Variants in ELOVL6 observed in about 807,000 individuals in gnomAD.
ELOVL6 encodes the protein ELOVL fatty acid elongase 6.
In ELOVL6, 8 loss-of-function variants were observed where a neutral mutation model predicts 31.7. That is an observed-to-expected ratio of 0.25 (90% CI 0.15 to 0.45). The LOEUF (loss-of-function observed/expected upper bound fraction) is 0.45, where lower values mean the gene tolerates loss of function less well. Among genes scored for constraint, ELOVL6 ranks in the 20% least tolerant of loss-of-function variants. The pLI is 1.00. For missense variants in ELOVL6, 126 were observed against 326.4 expected, an observed-to-expected ratio of 0.39 and a Z score of 4.73; for synonymous variants, 101 against 117.7, an observed-to-expected ratio of 0.86 and a Z score of 0.92.
intron 1 of ELOVL6, among the ~76,000 whole-genome samples, chr4:110,148,443 G>A (rs988049594): frequency 6.7e-6 from 1 of 150,218 alleles, no homozygotes; most frequent in Non-Finnish European, 1.5e-5. Flanking sequence ...TGAACTCATG[G>A]AGATAGAGAG....
chr4:110,084,396 T>C (rs536293237), intron 2 of ELOVL6, among the ~76,000 whole-genome samples: 1 of 64,786 alleles, frequency 1.5e-5, no homozygotes, highest in African/African-American at 4.4e-5. Context: ...GCATATATGA[T>C]ATATGATATA....
In ELOVL6 at chr4:110,094,433, ATATATATAT is replaced by A. The variant is rs1560820657; in HGVS notation, c.221+11055_221+11063del. ...TATATATATATATATATATATATATATATATATATAATATATATAACATAATATATATTA... is the reference window on the plus strand; with the variant it reads ...TATATATATATATATATATATATATAAATATATATAACATAATATATATTA... On this transcript the variant is annotated intron_variant, in intron 2 of 3. Transcript: ENST00000302274. Among the ~76,000 whole-genome samples the A allele has an allele frequency of 3.8e-4, 23 of 59,768 alleles. 1 individual carries two copies. In the East Asian group the frequency reaches 8.1e-3, roughly 21 times the overall value. The allele number at this position is 59,768 out of a possible 152,430, so 39.2% of individuals were successfully genotyped here. A position where few individuals can be genotyped will look rare whatever the true frequency, so the allele number is the denominator to read the frequency against.
chr4:110,095,382 T>G (rs570054901), intron 2 of ELOVL6, among the ~76,000 whole-genome samples: 13 of 151,332 alleles, frequency 8.6e-5, no homozygotes, highest in Non-Finnish European at 1.3e-4. Flanking sequence ...TTTGGGAGGC[T>G]GAGGCATGAG....
At position 110,046,440 on chromosome 4, in the gene ELOVL6, C is replaced by A. The variant is rs1428854749; in HGVS notation, c.*4898G>T. On this transcript the variant is annotated 3_prime_UTR_variant, in exon 4 of 4. Transcript: ENST00000302274. The stretch of plus-strand genomic sequence containing the variant: ...CACTTTTGAGCTCTCCCAAGCCCCA[C>A]TCACGAATGTGCTCCCACTGTCCAT... The A allele has an allele frequency of 6.6e-6, 1 of 152,226 alleles. No homozygotes were observed. The highest frequency in any genetic ancestry group is 1.5e-5 in the Non-Finnish European group (1 of 68,036). The allele number at this position is 152,226 out of a possible 1,614,324, so 9.4% of individuals were successfully genotyped here. A position where few individuals can be genotyped will look rare whatever the true frequency, so the allele number is the denominator to read the frequency against.
chr4:110,084,598 T>A (rs1202971277), intron 2 of ELOVL6, among the ~76,000 whole-genome samples: 195 of 57,898 alleles, frequency 3.4e-3, no homozygotes, highest in Middle Eastern at 0.024. Context: ...ATTTTTTTTT[T>A]TTTTTTTTTT....
At chr4:110,112,048 G>A (rs570724601) in intron 1 of ELOVL6, among the ~76,000 whole-genome samples, 125 of 152,290 alleles carry the variant, frequency 8.2e-4, no homozygotes, top group Middle Eastern at 6.8e-3. Context: ...ACCCCATCAT[G>A]TCCCATGGGT....
At chr4:110,101,592 C>T (rs971482552) in intron 2 of ELOVL6, among the ~76,000 whole-genome samples, 3 of 152,186 alleles carry the variant, frequency 2.0e-5, no homozygotes, top group Non-Finnish European at 4.4e-5. Flanking sequence ...TAACACATCA[C>T]AAATTTTTTT....
intron 1 of ELOVL6, among the ~76,000 whole-genome samples, chr4:110,187,250 T>TCCTTTGA (rs1385069933): frequency 2.6e-5 from 4 of 151,504 alleles, no homozygotes; most frequent in African/African-American, 9.7e-5. Context: ...AATTAAGAGG[T>TCCTTTGA]CCTTTGACCT....
intron 2 of ELOVL6, 188 bp from the exon 3 acceptor site, chr4:110,059,942 T>G (rs750075025): frequency 2.4e-5 from 13 of 531,022 alleles, no homozygotes; most frequent in Non-Finnish European, 4.3e-5. Flanking sequence ...AAGGGCTTTA[T>G]TCTGAAACCA....
intron 2 of ELOVL6, among the ~76,000 whole-genome samples, chr4:110,079,994 A>G (rs943115509): frequency 6.6e-6 from 1 of 152,248 alleles, no homozygotes; most frequent in African/African-American, 2.4e-5. Context: ...AATCTAGAAG[A>G]AATGGATAAA....
chr4:110,087,816 A>C (rs56964693), intron 2 of ELOVL6, among the ~76,000 whole-genome samples: 17,858 of 150,110 alleles, frequency 0.12, 1,226 homozygotes, highest in South Asian at 0.2. Flanking sequence ...AAAAAAAAAA[A>C]AACCTCCTAT....
At chr4:110,088,935 G>A (rs965409578) in intron 2 of ELOVL6, among the ~76,000 whole-genome samples, 3 of 152,100 alleles carry the variant, frequency 2.0e-5, no homozygotes, top group South Asian at 2.1e-4. Context: ...AGTTACCACC[G>A]GTAACTGAAA....
intron 1 of ELOVL6, among the ~76,000 whole-genome samples, chr4:110,110,734 G>A (rs1016812844): frequency 6.6e-6 from 1 of 152,068 alleles, no homozygotes; most frequent in Non-Finnish European, 1.5e-5. Flanking sequence ...CATATGCCCA[G>A]AAATTCTGAC....
rs376479206 is a variant in ELOVL6, at chr4:110,133,831, C to T, written c.90-28203G>A. 9.2e-5 allele frequency among the ~76,000 whole-genome samples: 14 copies of T among 152,310 alleles called. No homozygotes were observed. In the South Asian group the frequency reaches 2.3e-3, roughly 25 times the overall value. On this transcript the variant is annotated intron_variant, in intron 1 of 3. Coordinates refer to ENST00000302274, the MANE Select transcript of ELOVL6 (RefSeq NM_024090.3). ...ACAACTCACCTCATAGTTACTTAGG[C>T]AGGCACTGATTAAATGTCTATTACT...
intron 1 of ELOVL6, among the ~76,000 whole-genome samples, chr4:110,114,255 CT>C (rs1189334592): frequency 6.6e-6 from 1 of 152,150 alleles, no homozygotes; most frequent in Non-Finnish European, 1.5e-5. Context: ...CATTAGTCAT[CT>C]ATTTTCCTAA....
At chr4:110,177,252 A>T (rs1175960225) in intron 1 of ELOVL6, among the ~76,000 whole-genome samples, 1 of 152,178 alleles carries the variant, frequency 6.6e-6, no homozygotes, top group African/African-American at 2.4e-5. Flanking sequence ...AACCTGGGCA[A>T]CATAGCATGA....
chr4:110,085,036 T>G (rs879532144), intron 2 of ELOVL6, among the ~76,000 whole-genome samples: 1 of 152,148 alleles, frequency 6.6e-6, no homozygotes, highest in Non-Finnish European at 1.5e-5. Context: ...TAAGTTGTGG[T>G]AGAGTGTTGG....
intron 1 of ELOVL6, among the ~76,000 whole-genome samples, chr4:110,155,748 C>A (rs1340235453): frequency 1.3e-5 from 2 of 152,114 alleles, no homozygotes; most frequent in Non-Finnish European, 2.9e-5. Flanking sequence ...AGATCAACAA[C>A]CTCCTCGTAT....
intron 1 of ELOVL6, among the ~76,000 whole-genome samples, chr4:110,179,599 A>G (rs1441601834): frequency 6.6e-6 from 1 of 152,350 alleles, no homozygotes; most frequent in East Asian, 1.9e-4. Flanking sequence ...GAAAAAATAC[A>G]ATTTAAGCTA....
Sources: allele counts gnomAD v4.1 joint callset (sites outside exome capture counted in the v4.1 genomes callset), GRCh38; gene constraint gnomAD v4.1.1; transcripts MANE v1.5; gene names NCBI Gene and HGNC (gene_info 2026-07-23, HGNC 2026-07-21).